Variants in TEAD1 observed in about 807,000 individuals in gnomAD.
TEAD1 encodes transcriptional enhancer factor TEF-1.
TEAD1 carries 9 observed loss-of-function variants against 54.9 expected under a neutral mutation model. That is an observed-to-expected ratio of 0.16 (90% CI 0.10 to 0.29). The LOEUF is 0.29. Ranked by LOEUF, TEAD1 falls within the 10% of genes least tolerant of loss-of-function variation. The pLI, the probability that TEAD1 is intolerant of heterozygous loss-of-function variation, is 1.00. For missense variants in TEAD1, 387 were observed against 535.9 expected (o/e 0.72, Z 2.74); for synonymous variants, 200 against 187.8 (o/e 1.07, Z -0.53).
intron 9 of TEAD1, among the ~76,000 whole-genome samples, chr11:12,891,330 C>T (rs754437735): frequency 6.6e-6 from 1 of 152,038 alleles, no homozygotes; most frequent in African/African-American, 2.4e-5. Context: ...TTCAGGAACA[C>T]GATGGCTGCA....
chr11:12,905,505 A>G (rs1948502700), intron 10 of TEAD1, among the ~76,000 whole-genome samples: 1 of 152,246 alleles, frequency 6.6e-6, no homozygotes, highest in Non-Finnish European at 1.5e-5. Flanking sequence ...CTATGTTAAA[A>G]TAAAGGAGGG....
At chr11:12,698,504 T>G (rs1943633422) in intron 2 of TEAD1, among the ~76,000 whole-genome samples, 1 of 151,690 alleles carries the variant, frequency 6.6e-6, no homozygotes, top group African/African-American at 2.4e-5. Flanking sequence ...TTTTGTCACT[T>G]AAAGAGGGTT....
At chr11:12,692,574 G>A (rs187234191) in intron 2 of TEAD1, among the ~76,000 whole-genome samples, 2 of 152,246 alleles carry the variant, frequency 1.3e-5, no homozygotes, top group East Asian at 3.9e-4. Flanking sequence ...GGAAAGTACA[G>A]TATTGTAGGG....
chr11:12,833,263 TTATC>T (rs1468331968), intron 3 of TEAD1, among the ~76,000 whole-genome samples: 1 of 152,206 alleles, frequency 6.6e-6, no homozygotes, highest in Non-Finnish European at 1.5e-5. Flanking sequence ...AATCAAGACT[TTATC>T]AATGAGTTGA....
At chr11:12,699,937 A>G (rs927189906) in intron 2 of TEAD1, among the ~76,000 whole-genome samples, 1 of 152,156 alleles carries the variant, frequency 6.6e-6, no homozygotes, top group Non-Finnish European at 1.5e-5. Flanking sequence ...GTTTTGGTCT[A>G]TGAGACTTGA....
intron 10 of TEAD1, among the ~76,000 whole-genome samples, chr11:12,923,853 T>G (rs1358240311): frequency 6.6e-6 from 1 of 152,158 alleles, no homozygotes; most frequent in East Asian, 1.9e-4. Flanking sequence ...TCCAACACTG[T>G]TGCACTGGGG....
At chr11:12,888,941 G>C (rs1589962182) in intron 9 of TEAD1, among the ~76,000 whole-genome samples, 1 of 152,238 alleles carries the variant, frequency 6.6e-6, no homozygotes, top group East Asian at 1.9e-4. Flanking sequence ...TAATTAGGGG[G>C]ATGATCGCCC....
Position 12,794,498 on chromosome 11 carries a change from T to G in TEAD1, c.202+30064T>G, listed in dbSNP as rs116812583. On this transcript the variant is annotated intron_variant, in intron 3 of 12. Coordinates refer to ENST00000527636, the MANE Select transcript of TEAD1 (RefSeq NM_021961.6). ...GGGTAATCAAGGGAGATTTGGAATATCCCTCTCTTTTCGACATGTGACAGC... is the reference window on the plus strand; with the variant it reads ...GGGTAATCAAGGGAGATTTGGAATAGCCCTCTCTTTTCGACATGTGACAGC... 4.4e-3 allele frequency among the ~76,000 whole-genome samples: 673 copies of G among 152,324 alleles called. 7 individuals carry two copies. The highest frequency in any genetic ancestry group is 0.015 in the African/African-American group (615 of 41,572).
chr11:12,715,614 G>A (rs1944042899), intron 2 of TEAD1, among the ~76,000 whole-genome samples: 1 of 152,094 alleles, frequency 6.6e-6, no homozygotes, highest in Non-Finnish European at 1.5e-5. Flanking sequence ...CTACTGGCAT[G>A]GAGACCTACC....
chr11:12,878,338 A>G (rs546859162), intron 5 of TEAD1, among the ~76,000 whole-genome samples: 70 of 152,030 alleles, frequency 4.6e-4, no homozygotes, highest in Non-Finnish European at 8.5e-4. Context: ...ACCTTTGGTT[A>G]TATCAGTAAG....
chr11:12,818,630 A>T (rs1004949997), intron 3 of TEAD1, among the ~76,000 whole-genome samples: 1 of 152,186 alleles, frequency 6.6e-6, no homozygotes, highest in South Asian at 2.1e-4. Context: ...TTCTTCCCCT[A>T]CATGGAACTC....
intron 12 of TEAD1, among the ~76,000 whole-genome samples, chr11:12,934,553 A>G (rs1429499354): frequency 6.6e-6 from 1 of 151,884 alleles, no homozygotes; most frequent in African/African-American, 2.4e-5. Flanking sequence ...AAAAATAAAT[A>G]AATAAATAAA....
chr11:12,875,799 A>G (rs576172647), intron 5 of TEAD1, among the ~76,000 whole-genome samples: 5 of 152,334 alleles, frequency 3.3e-5, no homozygotes, highest in South Asian at 4.1e-4. Flanking sequence ...AAATTTTAAC[A>G]TCCTGCTGTC....
intron 3 of TEAD1, among the ~76,000 whole-genome samples, chr11:12,835,663 A>G (rs1946873692): frequency 6.6e-6 from 1 of 152,108 alleles, no homozygotes; most frequent in South Asian, 2.1e-4. Context: ...AACAAACTCT[A>G]GTTTCTTTCT....
chr11:12,858,280 C>T (rs1947432585), intron 3 of TEAD1, among the ~76,000 whole-genome samples: 1 of 152,030 alleles, frequency 6.6e-6, no homozygotes, highest in African/African-American at 2.4e-5. Flanking sequence ...TAATTAAATT[C>T]TGGAAAGATT....
intron 3 of TEAD1, among the ~76,000 whole-genome samples, chr11:12,812,780 G>A (rs1396661978): frequency 2.0e-5 from 3 of 152,208 alleles, no homozygotes; most frequent in Non-Finnish European, 4.4e-5. Flanking sequence ...TGGGGAAGTC[G>A]TGGCTCAGTG....
At chr11:12,894,500 GATGGAC>G (rs1948268412) in intron 9 of TEAD1, among the ~76,000 whole-genome samples, 1 of 152,154 alleles carries the variant, frequency 6.6e-6, no homozygotes, top group Admixed American at 6.5e-5. Flanking sequence ...CATCTACAGT[GATGGAC>G]AACCTCCTAG....
In TEAD1 at chr11:12,832,270, A is replaced by G. The variant is rs572789374; in HGVS notation, c.203-29980A>G. Among the ~76,000 whole-genome samples, 14 of 152,368 alleles carry G rather than the reference A, an allele frequency of 9.2e-5. No homozygotes were observed. The South Asian group carries it at 2.9e-3, about 32-fold the overall frequency. Reference sequence around the variant, plus strand: ...TTGAAAGCAAGCAAACTAACAAAAAATGAGATCAAACATTGTCAGAGACGG... The same window carrying G: ...TTGAAAGCAAGCAAACTAACAAAAAGTGAGATCAAACATTGTCAGAGACGG... On this transcript the variant is annotated intron_variant, in intron 3 of 12. Coordinates refer to ENST00000527636, the MANE Select transcript of TEAD1 (RefSeq NM_021961.6).
At chr11:12,882,887 G>A (rs1177298477) in intron 8 of TEAD1, 114 bp from the exon 9 acceptor site, 1 of 1,508,856 alleles carries the variant, frequency 6.6e-7, no homozygotes, top group East Asian at 2.3e-5. Flanking sequence ...AGCCGGTGGA[G>A]AGGGGGCTGT....
Sources: allele counts gnomAD v4.1 joint callset (sites outside exome capture counted in the v4.1 genomes callset), GRCh38; gene constraint gnomAD v4.1.1; transcripts MANE v1.5; gene names NCBI Gene and HGNC (gene_info 2026-07-23, HGNC 2026-07-21).